FRMD3: variants seen among roughly 807,000 people sequenced by gnomAD.
FRMD3 encodes the protein FERM domain-containing protein 3.
A neutral mutation model predicts 70.2 loss-of-function variants in FRMD3; 33 were observed. That is an observed-to-expected ratio of 0.47 (90% CI 0.36 to 0.63). FRMD3 has a LOEUF of 0.63. FRMD3 is among the 20% of genes least tolerant of loss of function. The pLI is 0.00. For synonymous variants in FRMD3, 279 were observed against 255.9 expected (o/e 1.09, Z -0.86); for missense variants, 632 against 711.4 (o/e 0.89, Z 1.27).
chr9:83,317,553 G>A (rs1835634753), intron 6 of FRMD3, among the ~76,000 whole-genome samples: 1 of 152,122 alleles, frequency 6.6e-6, no homozygotes, highest in Admixed American at 6.5e-5. Context: ...AAAGCTACAT[G>A]TCATTTATTC....
At chr9:83,370,367 C>T (rs1824931188) in intron 3 of FRMD3, among the ~76,000 whole-genome samples, 1 of 152,200 alleles carries the variant, frequency 6.6e-6, no homozygotes, top group South Asian at 2.1e-4. Context: ...ACATCATCAA[C>T]AACAACAATC....
chr9:83,300,160 G>T (rs1834849624), intron 10 of FRMD3, among the ~76,000 whole-genome samples: 1 of 152,182 alleles, frequency 6.6e-6, no homozygotes, highest in Admixed American at 6.5e-5. Context: ...TGAGCCTCTT[G>T]AAGCTTCCTT....
chr9:83,278,759 C>A (rs1833873792), intron 13 of FRMD3, among the ~76,000 whole-genome samples: 1 of 152,256 alleles, frequency 6.6e-6, no homozygotes, highest in South Asian at 2.1e-4. Context: ...CAAGGGCTGT[C>A]AAGGTCCTGA....
chr9:83,500,778 C>G (rs56371065), intron 1 of FRMD3, among the ~76,000 whole-genome samples: 2,234 of 152,202 alleles, frequency 0.015, 48 homozygotes, highest in African/African-American at 0.05. Context: ...TATCTAGAGA[C>G]AGCAAAATAT....
chr9:83,405,864 T>G (rs2131328364), intron 1 of FRMD3, among the ~76,000 whole-genome samples: 1 of 152,304 alleles, frequency 6.6e-6, no homozygotes, highest in East Asian at 1.9e-4. Context: ...GACAGTTTGT[T>G]GGAGTAGGGC....
At chr9:83,489,588 A>G (rs1200383676) in intron 1 of FRMD3, among the ~76,000 whole-genome samples, 1 of 152,232 alleles carries the variant, frequency 6.6e-6, no homozygotes, top group Non-Finnish European at 1.5e-5. Flanking sequence ...GATGGCTATT[A>G]TTAAAAAATC....
rs548402118 is a variant in FRMD3 at position 83,427,899 on chromosome 9, G to C, written c.148-38191C>G. 2.0e-5 allele frequency among the ~76,000 whole-genome samples: 3 copies of C among 152,224 alleles called. No individual in the cohort carries two copies. In the East Asian group the frequency reaches 5.8e-4, roughly 29 times the overall value. On this transcript the variant is annotated intron_variant, in intron 1 of 13. Coordinates refer to ENST00000304195, the MANE Select transcript of FRMD3 (RefSeq NM_174938.6). ...ACTTTTTAAAGTCTGACATTTCCAAGGTTTGGTGGGATGCAGAGAAACTGG... is the reference window on the plus strand; with the variant it reads ...ACTTTTTAAAGTCTGACATTTCCAACGTTTGGTGGGATGCAGAGAAACTGG...
chr9:83,358,595 T>C (rs1194738015), intron 3 of FRMD3, among the ~76,000 whole-genome samples: 1 of 152,134 alleles, frequency 6.6e-6, no homozygotes, highest in Admixed American at 6.5e-5. Flanking sequence ...GTTTGTGTTG[T>C]CTATGATTTC....
intron 1 of FRMD3, among the ~76,000 whole-genome samples, chr9:83,403,322 A>T (rs1254457971): frequency 6.6e-6 from 1 of 152,176 alleles, no homozygotes; most frequent in African/African-American, 2.4e-5. Flanking sequence ...ATAAGAAATC[A>T]TCTTTCCTCT....
chr9:83,549,611 G>A, the FRMD3 span, among the ~76,000 whole-genome samples: 1 of 152,092 alleles, frequency 6.6e-6, no homozygotes, highest in Non-Finnish European at 1.5e-5. Flanking sequence ...GCCAGCATCA[G>A]TTATTTTTTG....
At chr9:83,386,780 C>T (rs1180022292) in intron 2 of FRMD3, among the ~76,000 whole-genome samples, 5 of 152,180 alleles carry the variant, frequency 3.3e-5, no homozygotes, top group Non-Finnish European at 7.3e-5. Context: ...ACGTGTCTCT[C>T]CAATCTCTGA....
At chr9:83,356,803 C>T (rs139784589) in intron 3 of FRMD3, among the ~76,000 whole-genome samples, 2 of 151,724 alleles carry the variant, frequency 1.3e-5, no homozygotes, top group South Asian at 4.2e-4. Flanking sequence ...TGAATAAGTT[C>T]TTTAGTGGTG....
intron 1 of FRMD3, among the ~76,000 whole-genome samples, chr9:83,443,048 G>C (rs945966674): frequency 1.3e-5 from 2 of 152,184 alleles, no homozygotes; most frequent in African/African-American, 4.8e-5. Context: ...TATAGAAATA[G>C]TGGAAGGAAA....
chr9:83,483,163 G>A (rs200294293), intron 1 of FRMD3, among the ~76,000 whole-genome samples: 9 of 152,318 alleles, frequency 5.9e-5, no homozygotes, highest in East Asian at 1.9e-4. Flanking sequence ...TGCTGTTCTC[G>A]TGACAGTGAA....
intron 1 of FRMD3, among the ~76,000 whole-genome samples, chr9:83,393,691 T>C (rs960138067): frequency 2.0e-5 from 3 of 152,050 alleles, no homozygotes; most frequent in Admixed American, 1.3e-4. Flanking sequence ...CAGCTCACAA[T>C]AGCTTTGCAC....
the FRMD3 span, among the ~76,000 whole-genome samples, chr9:83,566,248 T>C: frequency 2.6e-5 from 4 of 152,110 alleles, no homozygotes; most frequent in African/African-American, 7.2e-5. Flanking sequence ...GATAAAACCA[T>C]CAGATCTTGT....
chr9:83,539,283 G>C (rs2131570848), upstream of FRMD3, among the ~76,000 whole-genome samples: 1 of 152,322 alleles, frequency 6.6e-6, no homozygotes, highest in Non-Finnish European at 1.5e-5. Flanking sequence ...GAAGGTAGGA[G>C]GTATCCTGCC....
intron 1 of FRMD3, among the ~76,000 whole-genome samples, chr9:83,451,787 T>C (rs1223939610): frequency 6.6e-6 from 1 of 152,178 alleles, no homozygotes; most frequent in African/African-American, 2.4e-5. Context: ...CCTCTCACCT[T>C]AATAGATAAA....
intron 1 of FRMD3, among the ~76,000 whole-genome samples, chr9:83,445,692 G>C (rs1234942836): frequency 2.0e-5 from 3 of 152,166 alleles, no homozygotes; most frequent in Non-Finnish European, 1.5e-5. Flanking sequence ...CTAAGAGAAA[G>C]GACAATTGAG....
Sources: gnomAD v4.1 joint callset for allele counts (sites outside exome capture counted in the v4.1 genomes callset) on GRCh38, gnomAD v4.1.1 for gene constraint, MANE v1.5 for transcripts, NCBI Gene and HGNC (gene_info 2026-07-23, HGNC 2026-07-21) for gene names.